Variants in TYSND1 observed in about 807,000 individuals in gnomAD.
The protein encoded by TYSND1 is peroxisomal leader peptide-processing protease.
A neutral mutation model predicts 37.2 loss-of-function variants in TYSND1; 30 were observed. The ratio of observed to expected loss-of-function variants is 0.81; its 90% CI spans 0.60 to 1.09. The LOEUF is 1.09. Ranked by LOEUF, TYSND1 falls within the 50% of genes least tolerant of loss-of-function variation. The pLI, the probability that TYSND1 is intolerant of heterozygous loss-of-function variation, is 0.00. For synonymous variants in TYSND1, 364 were observed against 383.8 expected (o/e 0.95, Z 0.60); for missense variants, 806 against 817.4 (o/e 0.99, Z 0.17).
At position 70,145,804 on chromosome 10, in the gene TYSND1, G is replaced by A. The variant is rs1471848822; in HGVS notation, c.783C>T (p.Thr261=). The A allele has an allele frequency of 2.0e-6, 3 of 1,503,306 alleles. No homozygotes were observed. The highest frequency in any genetic ancestry group is 2.2e-5 in the Admixed American group (1 of 45,542). 93.1% of individuals were successfully genotyped at this position (1,503,306 alleles called of 1,614,324 possible). The change falls in exon 1 of 4, where the codon ACC becomes ACT. Residue 261 remains threonine (T), a synonymous_variant. Coordinates refer to ENST00000287078, the MANE Select transcript of TYSND1 (RefSeq NM_173555.4). Reference sequence around the variant, plus strand: ...GCGCGGTGAACACGCCGCCGCCCTCGGTGCCGGGCAGGCAGCGTGCGTCGG... The same window carrying A: ...GCGCGGTGAACACGCCGCCGCCCTCAGTGCCGGGCAGGCAGCGTGCGTCGG... ...LLTDARCLPG[T]EGGGVFTARP... is the part of the protein sequence containing the mutation.
In TYSND1 at chr10:70,139,804, T is replaced by C. The variant is rs2072731456; in HGVS notation, c.*120A>G. ...CCAGTCTGCAGTCAGTGGGTGGAGATGAGAGGCAGCCTGGGCCCCTGCAGG... is the reference window on the plus strand; with the variant it reads ...CCAGTCTGCAGTCAGTGGGTGGAGACGAGAGGCAGCCTGGGCCCCTGCAGG... On this transcript the variant is annotated 3_prime_UTR_variant, in exon 4 of 4. Transcript: ENST00000287078. The C allele has an allele frequency of 3.9e-5, 38 of 973,570 alleles. 2 individuals are homozygous for C. The South Asian group carries it at 6.1e-4, about 16-fold the overall frequency. The allele number at this position is 973,570 out of a possible 1,614,324, so 60.3% of individuals were successfully genotyped here.
At position 70,139,862 on chromosome 10, in the gene TYSND1, C is replaced by T; in HGVS notation, c.*62G>A. 4 of 1,527,882 alleles carry T rather than the reference C, an allele frequency of 2.6e-6. No individual in the cohort carries two copies. The South Asian group carries it at 4.7e-5, about 18-fold the overall frequency. 94.6% of individuals were successfully genotyped at this position (1,527,882 alleles called of 1,614,324 possible). A position where few individuals can be genotyped will look rare whatever the true frequency, so the allele number is the denominator to read the frequency against. On this transcript the variant is annotated 3_prime_UTR_variant, in exon 4 of 4. Coordinates refer to ENST00000287078, the MANE Select transcript of TYSND1 (RefSeq NM_173555.4). ...CCCTGAATCCTGAGGCCACCGTCAC[C>T]TCAACATCACTTCCTACAGCAGAAA...
At position 70,146,515 on chromosome 10, in the gene TYSND1, G is replaced by C; in HGVS notation, c.72C>G (p.Ala24=). The C allele has an allele frequency of 1.3e-6, 2 of 1,587,806 alleles. No homozygotes were observed. The highest frequency in any genetic ancestry group is 2.3e-5 in the South Asian group (2 of 88,496). The change falls in exon 1 of 4, where the codon GCC becomes GCG. Residue 24 remains alanine, a synonymous_variant. Coordinates refer to ENST00000287078, the MANE Select transcript of TYSND1 (RefSeq NM_173555.4). The part of the protein sequence containing the change: ...QAGCMVSASR[A]GQPEAGPWSC... ...TCCACGGGCCCGCCTCGGGCTGTCCGGCCCGGGAGGCGCTCACCATGCAGC... is the reference window on the plus strand; with the variant it reads ...TCCACGGGCCCGCCTCGGGCTGTCCCGCCCGGGAGGCGCTCACCATGCAGC...
chr10:70,145,500 C>G lies in TYSND1; in HGVS notation c.1087G>C (p.Ala363Pro). ...CGACAGGTCACTACAAGGCGGGGTG[C>G]CACAGCCACTCCGGAGCCCCATACG... is the stretch of plus-strand genomic sequence containing the variant. The part of the protein sequence containing the change: ...GTVWGSGVAV[A>P]PRLVVTCRHV... The change falls in exon 1 of 4, where the codon GCA becomes CCA. Residue 363 changes from alanine to proline, a missense_variant. Around this residue, in one of 3 missense-constraint regions of TYSND1, gnomAD observed 708 missense variants for 705.4 expected, o/e 1.00. Transcript: ENST00000287078. The G allele has an allele frequency of 6.5e-7, 1 of 1,532,150 alleles. No homozygotes were observed. The highest frequency in any genetic ancestry group is 8.7e-7 in the Non-Finnish European group (1 of 1,145,446). The allele number at this position is 1,532,150 out of a possible 1,614,324, so 94.9% of individuals were successfully genotyped here.
Position 70,139,564 on chromosome 10 carries a change from C to T in TYSND1, c.*360G>A, listed in dbSNP as rs113019713. 0.015 allele frequency: 2,878 copies of T among 193,764 alleles called. 26 individuals are homozygous for T. Among genetic ancestry groups the T allele is most frequent in the Middle Eastern group, 0.047 (24 of 506 alleles). The allele number at this position is 193,764 out of a possible 1,614,324, so 12.0% of individuals were successfully genotyped here. A position where few individuals can be genotyped will look rare whatever the true frequency, so the allele number is the denominator to read the frequency against. ...TGACGATGGCCCTCAGGGGAACAGA[C>T]GCAAAACCAGGCACGGGCCTGCCTT... On this transcript the variant is annotated 3_prime_UTR_variant, in exon 4 of 4. Transcript: ENST00000287078.
intron 3 of TYSND1, 90 bp downstream of exon 3, chr10:70,142,578 G>A (rs1457162837): frequency 8.9e-6 from 11 of 1,231,326 alleles, no homozygotes; most frequent in African/African-American, 6.0e-5. Context: ...CCCAGACAGA[G>A]GGTGCACTGG....
At position 70,146,588 on chromosome 10, in the gene TYSND1, G is replaced by C; in HGVS notation, c.-2C>G. ...GGCAGACCCCCACTGCCTTCTCATGGCCTCTAGGCCGGACACTCGGGAGCT... is the reference window on the plus strand; with the variant it reads ...GGCAGACCCCCACTGCCTTCTCATGCCCTCTAGGCCGGACACTCGGGAGCT... On this transcript the variant is annotated 5_prime_UTR_variant, in exon 1 of 4. Transcript: ENST00000287078. The C allele has an allele frequency of 7.8e-6, 12 of 1,531,268 alleles. No homozygotes were observed. Among genetic ancestry groups the C allele is most frequent in the Non-Finnish European group, 1.0e-5 (12 of 1,146,458 alleles). The allele number at this position is 1,531,268 out of a possible 1,614,324, so 94.9% of individuals were successfully genotyped here. A position where few individuals can be genotyped will look rare whatever the true frequency, so the allele number is the denominator to read the frequency against.
At chr10:70,145,055 G>T (rs116659214) in intron 1 of TYSND1, among the ~76,000 whole-genome samples, 1 of 152,180 alleles carries the variant, frequency 6.6e-6, no homozygotes, top group African/African-American at 2.4e-5. Flanking sequence ...GAAGCAGCAG[G>T]GTTAGGGAAT....
At chr10:70,144,723 T>C in intron 1 of TYSND1, 3 of 985,606 alleles carry the variant, frequency 3.0e-6, no homozygotes, top group Non-Finnish European at 3.6e-6. Context: ...CAAACCTTCA[T>C]CATCAGTCTT....
In TYSND1 at chr10:70,146,028, G is replaced by A. The variant is rs1481876867; in HGVS notation, c.559C>T (p.Leu187=). 2 of 1,601,602 alleles carry A rather than the reference G, an allele frequency of 1.2e-6. No individual in the cohort carries two copies. The highest frequency in any genetic ancestry group is 1.7e-6 in the Non-Finnish European group (2 of 1,175,012). Residue 187 remains leucine (L), a synonymous_variant, in exon 1 of 4, where the codon CTG becomes TTG. Coordinates refer to ENST00000287078, the MANE Select transcript of TYSND1 (RefSeq NM_173555.4). Reference sequence around the variant, plus strand: ...TCCTGGCCTAGCCGCACGCCCAGCAGCGCAAACCAGCCCAGCGCTCTCAGT... The same window carrying A: ...TCCTGGCCTAGCCGCACGCCCAGCAACGCAAACCAGCCCAGCGCTCTCAGT... The part of the protein sequence containing the change: ...DQLRALGWFA[L]LGVRLGQEEV...
chr10:70,140,505 TTGAATGAATGAATGAA>T (rs10524341), intron 3 of TYSND1, among the ~76,000 whole-genome samples: 54,082 of 150,798 alleles, frequency 0.36, 10,346 homozygotes, highest in African/African-American at 0.42. Flanking sequence ...CAAAGGCTTG[TTGAATGAATGAATGAA>T]TGAATGAATG....
At chr10:70,144,090 A>G in intron 1 of TYSND1, 118 bp from the exon 2 acceptor site, 1 of 1,318,024 alleles carries the variant, frequency 7.6e-7, no homozygotes, top group African/African-American at 1.5e-5. Context: ...CCCTGAATCG[A>G]CCAGCAGGCA....
intron 3 of TYSND1, among the ~76,000 whole-genome samples, chr10:70,140,505 TTGAATGAATGAATGAATGAATGAATGAA>T (rs10524341): frequency 1.3e-5 from 2 of 150,738 alleles, no homozygotes; most frequent in African/African-American, 2.4e-5. Context: ...CAAAGGCTTG[TTGAATGAATGAATGAATGAATGAATGAA>T]TGAATGAATG....
chr10:70,142,206 T>A (rs902064239), intron 3 of TYSND1, among the ~76,000 whole-genome samples: 10 of 152,214 alleles, frequency 6.6e-5, no homozygotes, highest in African/African-American at 2.4e-4. Flanking sequence ...TGTATTTTTT[T>A]AAAAAAGCTT....
Position 70,145,664 on chromosome 10 carries a change from TCGCGGGCGG to T in TYSND1, c.914_922del (p.Ala305_Arg307del), listed in dbSNP as rs1357099931. ...GCTGTGCGGCAGGCGGTGAAGCGCGTCGCGGGCGGCGCGGAAAAGGGGGGCGGCGGCGCA... is the reference window on the plus strand; with the variant it reads ...GCTGTGCGGCAGGCGGTGAAGCGCGTCGCGGAAAAGGGGGGCGGCGGCGCA... On this transcript the variant is annotated inframe_deletion, in exon 1 of 4. Coordinates refer to ENST00000287078, the MANE Select transcript of TYSND1 (RefSeq NM_173555.4). The T allele has an allele frequency of 2.2e-6, 3 of 1,388,938 alleles. No homozygotes were observed. The highest frequency in any genetic ancestry group is 2.8e-6 in the Non-Finnish European group (3 of 1,081,058). The allele number at this position is 1,388,938 out of a possible 1,614,324, so 86.0% of individuals were successfully genotyped here.
Position 70,145,663 on chromosome 10 carries a change from G to T in TYSND1, c.924C>A (p.Asp308Glu). The T allele has an allele frequency of 7.2e-7, 1 of 1,389,378 alleles. No homozygotes were observed. Among genetic ancestry groups the T allele is most frequent in the South Asian group, 1.6e-5 (1 of 62,138 alleles). 86.1% of individuals were successfully genotyped at this position (1,389,378 alleles called of 1,614,324 possible). A position where few individuals can be genotyped will look rare whatever the true frequency, so the allele number is the denominator to read the frequency against. The change falls in exon 1 of 4, where the codon GAC becomes GAA. Residue 308 changes from aspartate (D) to glutamate (E), a missense_variant. Around this residue, in one of 3 missense-constraint regions of TYSND1, gnomAD observed 708 missense variants for 705.4 expected, o/e 1.00. Transcript: ENST00000287078. Reference protein sequence around the residue: ...AAAPLFRAARDALHRLPHSTA... With the variant: ...AAAPLFRAAREALHRLPHSTA... Reference sequence around the variant, plus strand: ...TGCTGTGCGGCAGGCGGTGAAGCGCGTCGCGGGCGGCGCGGAAAAGGGGGG... The same window carrying T: ...TGCTGTGCGGCAGGCGGTGAAGCGCTTCGCGGGCGGCGCGGAAAAGGGGGG...
At position 70,139,300 on chromosome 10, in the gene TYSND1, A is replaced by G. The variant is rs1238555426; in HGVS notation, c.*624T>C. On this transcript the variant is annotated 3_prime_UTR_variant, in exon 4 of 4. Coordinates refer to ENST00000287078, the MANE Select transcript of TYSND1 (RefSeq NM_173555.4). The stretch of plus-strand genomic sequence containing the variant: ...ACCCAGGCTGTGGGCTGGAAAATGA[A>G]GGCACAGTGTCAAGAGCGCCCCTGT... 1 of 152,718 alleles carries G rather than the reference A, an allele frequency of 6.5e-6. No homozygotes were observed. The highest frequency in any genetic ancestry group is 1.5e-5 in the Non-Finnish European group (1 of 68,094). 9.5% of individuals were successfully genotyped at this position (152,718 alleles called of 1,614,324 possible).
rs1220888736 is a variant in TYSND1 at position 70,146,248 on chromosome 10, G to T, written c.339C>A (p.Leu113=). The T allele has an allele frequency of 4.0e-6, 6 of 1,483,278 alleles. No individual in the cohort carries two copies. The highest frequency in any genetic ancestry group is 5.3e-6 in the Non-Finnish European group (6 of 1,124,532). 91.9% of individuals were successfully genotyped at this position (1,483,278 alleles called of 1,614,324 possible). A position where few individuals can be genotyped will look rare whatever the true frequency, so the allele number is the denominator to read the frequency against. ...PGLCTPQCAS[L]EPGPPAPSRG... ...GGGACGGGGCAGGTGGGCCGGGCTC[G>T]AGGCTCGCGCACTGGGGCGTGCACA... The change falls in exon 1 of 4, where the codon CTC becomes CTA. Residue 113 remains leucine, a synonymous_variant. Transcript: ENST00000287078.
At chr10:70,140,181 G>C (rs756415406) in intron 3 of TYSND1, 40 bp from the exon 4 acceptor site, 1 of 1,530,176 alleles carries the variant, frequency 6.5e-7, no homozygotes, top group African/African-American at 1.4e-5. Context: ...TGTGAGCCAG[G>C]GGGCAGAAAG....
Sources: gnomAD v4.1 joint callset for allele counts (sites outside exome capture counted in the v4.1 genomes callset) on GRCh38, gnomAD v4.1.1 for gene constraint, gnomAD v4.1.1 regional missense constraint, MANE v1.5 for transcripts, NCBI Gene and HGNC (gene_info 2026-07-23, HGNC 2026-07-21) for gene names.